The following KCNC3 variants were observed in gnomAD, a reference collection of about 807,000 sequenced individuals.
KCNC3 encodes potassium voltage-gated channel subfamily C member 3.
In KCNC3, 22 loss-of-function variants were observed where a neutral mutation model predicts 43.9. That is an observed-to-expected ratio of 0.50 (90% confidence interval 0.36 to 0.72). The LOEUF is 0.72. Among genes scored for constraint, KCNC3 ranks in the 30% least tolerant of loss-of-function variants. The pLI is 0.00. For missense variants in KCNC3, 829 were observed against 1,073.8 expected (o/e 0.77, Z 3.19); for synonymous variants, 492 against 488.0 (o/e 1.01, Z -0.11).
At chr19:50,320,910 G>A in intron 2 of KCNC3, 126 bp from the exon 3 acceptor site, 2 of 876,342 alleles carry the variant, frequency 2.3e-6, no homozygotes, top group Admixed American at 2.1e-5. Context: ...CACTGGAAGT[G>A]GAGATTCAAG....
chr19:50,319,162 T>C (rs1392831775), intron 4 of KCNC3, among the ~76,000 whole-genome samples: 1 of 152,116 alleles, frequency 6.6e-6, no homozygotes, highest in African/African-American at 2.4e-5. Flanking sequence ...GAATGATTCG[T>C]CTACTAAATA....
chr19:50,330,731 T>TA (rs975639899), upstream of KCNC3, among the ~76,000 whole-genome samples: 1 of 150,798 alleles, frequency 6.6e-6, no homozygotes, highest in East Asian at 2.0e-4. Context: ...GCAGGACCGA[T>TA]AAAAAATGGG....
intron 1 of KCNC3, among the ~76,000 whole-genome samples, chr19:50,325,363 G>A (rs1389032460): frequency 6.6e-6 from 1 of 152,160 alleles, no homozygotes; most frequent in East Asian, 1.9e-4. Context: ...CACAGAGCAC[G>A]GGGAGGCCAC....
intron 4 of KCNC3, among the ~76,000 whole-genome samples, chr19:50,319,706 G>C (rs73062508): frequency 2.6e-5 from 4 of 152,052 alleles, no homozygotes; most frequent in Non-Finnish European, 5.9e-5. Context: ...TTCTAGGTCC[G>C]TGTCTGCCTC....
intron 2 of KCNC3, among the ~76,000 whole-genome samples, chr19:50,322,281 C>G (rs949784414): frequency 6.6e-6 from 1 of 152,140 alleles, no homozygotes; most frequent in African/African-American, 2.4e-5. Context: ...TCTCGCTTGT[C>G]TCTTCCTCTG....
At chr19:50,333,493 A>G (rs2037210655), upstream of KCNC3, 3 of 199,732 alleles carry the variant, frequency 1.5e-5, no homozygotes, top group Admixed American at 1.6e-4. Flanking sequence ...CCCGACTGCC[A>G]CCTGTGGCTG....
In KCNC3 at chr19:50,320,285, G is replaced by A. The variant is rs755400651; in HGVS notation, c.2235C>T (p.Pro745=). 2.6e-5 allele frequency: 27 copies of A among 1,051,550 alleles called. 1 individual carries two copies. Among genetic ancestry groups the A allele is most frequent in the Middle Eastern group, 2.9e-4 (1 of 3,476 alleles). The allele number at this position is 1,051,550 out of a possible 1,614,324, so 65.1% of individuals were successfully genotyped here. ...WRKPGPPSFL[P]DLNANAAAWI... The stretch of plus-strand genomic sequence containing the variant: ...AGGCCGCGGCGTTGGCGTTGAGGTC[G>A]GGCAAGAAGCTTGGGGGGCCTGGCT... Residue 745 remains proline, a synonymous_variant, in exon 4 of 5, where the codon CCC becomes CCT. Coordinates refer to ENST00000477616, the MANE Select transcript of KCNC3 (RefSeq NM_004977.3).
Position 50,323,224 on chromosome 19 carries a change from G to A in KCNC3, c.1729C>T (p.Pro577Ser), listed in dbSNP as rs749785567. Residue 577 changes from proline to serine, a missense_variant, in exon 2 of 5, where the codon CCT becomes TCT. Pro to Ser is a moderately conservative substitution (Grantham distance 74). Coordinates refer to ENST00000477616, the MANE Select transcript of KCNC3 (RefSeq NM_004977.3). ...PQPGSPNYCK[P>S]DPPPPPPPHP... ...GGCGGGGGTGGCGGGGGTGGGTCAGGCTTGCAGTAGTTGGGCGAGCCCGGT... is the reference window on the plus strand; with the variant it reads ...GGCGGGGGTGGCGGGGGTGGGTCAGACTTGCAGTAGTTGGGCGAGCCCGGT... 6.4e-7 allele frequency: 1 copy of A among 1,560,270 alleles called. No individual in the cohort carries two copies. Among genetic ancestry groups the A allele is most frequent in the African/African-American group, 1.3e-5 (1 of 74,110 alleles).
At chr19:50,326,926 G>C (rs1473197924) in intron 1 of KCNC3, among the ~76,000 whole-genome samples, 1 of 151,486 alleles carries the variant, frequency 6.6e-6, no homozygotes, top group African/African-American at 2.4e-5. Context: ...GCACGGCGGG[G>C]GGGGAGGTTC....
chr19:50,330,827 C>T (rs937840253), upstream of KCNC3, among the ~76,000 whole-genome samples: 1 of 151,984 alleles, frequency 6.6e-6, no homozygotes, highest in Non-Finnish European at 1.5e-5. Flanking sequence ...TCGGAGCGGG[C>T]CGTCCCCGCC....
At chr19:50,332,185 G>A (rs981971506), upstream of KCNC3, among the ~76,000 whole-genome samples, 2 of 152,170 alleles carry the variant, frequency 1.3e-5, no homozygotes, top group Non-Finnish European at 2.9e-5. This position sits in a 1 kb window ranked among gnomAD's most constrained non-coding sequence, Gnocchi z 5.8. Context: ...ATTGGGGGTG[G>A]GGTGGTGGAG....
rs1415438196 is a variant in KCNC3, at chr19:50,323,645, C to T, written c.1308G>A (p.Val436=). The T allele has an allele frequency of 1.9e-6, 3 of 1,614,188 alleles. No individual in the cohort carries two copies. The South Asian group carries it at 3.3e-5, about 18-fold the overall frequency. Residue 436 remains valine, a synonymous_variant, in exon 2 of 5, where the codon GTG becomes GTA. Coordinates refer to ENST00000477616, the MANE Select transcript of KCNC3 (RefSeq NM_004977.3). ...TGCTGGCGCGGAGCGTGTGTCCCAG[C>T]ACGCGCAGCCCCACGAAGTGCCGGG... ...KLTRHFVGLR[V]LGHTLRASTN... is the part of the protein sequence containing the mutation.
chr19:50,312,128 G>A lies in KCNC3; in HGVS notation c.*3987C>T, dbSNP rs1356319774. On this transcript the variant is annotated 3_prime_UTR_variant, in exon 5 of 5. Transcript: ENST00000477616. ...CCGACCCCTCCCTCCCTGCCCTGCG[G>A]GTGGGCTGAGAAGACCCGCCATTAG... 6.6e-6 allele frequency: 1 copy of A among 151,820 alleles called. No individual in the cohort carries two copies. The highest frequency in any genetic ancestry group is 1.5e-5 in the Non-Finnish European group (1 of 67,830). The allele number at this position is 151,820 out of a possible 1,614,324, so 9.4% of individuals were successfully genotyped here.
chr19:50,320,840 C>T, intron 2 of KCNC3, 56 bp from the exon 3 acceptor site: 1 of 1,555,408 alleles, frequency 6.4e-7, no homozygotes, highest in Non-Finnish European at 8.8e-7. Flanking sequence ...GTGCGGTGAA[C>T]ACGCGGTGGG....
At chr19:50,317,219 A>T (rs1018258621) in intron 4 of KCNC3, among the ~76,000 whole-genome samples, 5 of 140,486 alleles carry the variant, frequency 3.6e-5, no homozygotes, top group African/African-American at 1.2e-4. Flanking sequence ...GAGGTTACAA[A>T]AAGGAGAGGT....
intron 2 of KCNC3, among the ~76,000 whole-genome samples, chr19:50,321,508 G>A (rs1011247301): frequency 5.9e-5 from 9 of 152,072 alleles, no homozygotes; most frequent in Admixed American, 3.3e-4. Context: ...GGTGGCTTAC[G>A]CCTGTAATCC....
rs954866484 is a variant in KCNC3 at position 50,313,993 on chromosome 19, T to C, written c.*2122A>G. 6.6e-6 allele frequency: 1 copy of C among 152,048 alleles called. No homozygotes were observed. The highest frequency in any genetic ancestry group is 2.4e-5 in the African/African-American group (1 of 41,320). 9.4% of individuals were successfully genotyped at this position (152,048 alleles called of 1,614,324 possible). A position where few individuals can be genotyped will look rare whatever the true frequency, so the allele number is the denominator to read the frequency against. The stretch of plus-strand genomic sequence containing the variant: ...CTCAGAATTCTGGGTGCAGGTCTCA[T>C]GTCCTGGGAATGGAGGGAGATAGTC... On this transcript the variant is annotated 3_prime_UTR_variant, in exon 5 of 5. Coordinates refer to ENST00000477616, the MANE Select transcript of KCNC3 (RefSeq NM_004977.3).
chr19:50,327,852 G>A (rs965080427), intron 1 of KCNC3, among the ~76,000 whole-genome samples: 6 of 151,840 alleles, frequency 4.0e-5, no homozygotes, highest in African/African-American at 7.3e-5. Flanking sequence ...CATGAGGGTT[G>A]GGGAGGGTCT....
chr19:50,328,657 T>C lies in KCNC3; in HGVS notation c.426A>G (p.Gly142=). Residue 142 remains glycine (G), a synonymous_variant, in exon 1 of 5, where the codon GGA becomes GGG. Coordinates refer to ENST00000477616, the MANE Select transcript of KCNC3 (RefSeq NM_004977.3). ...AGTAGTTGAGCACGTACGCGAAGAC[T>C]CCCGGGTGCCGGTCAAAGAAGAACT... ...ADEFFFDRHP[G]VFAYVLNYYR... is the part of the protein sequence containing the mutation. 6.2e-7 allele frequency: 1 copy of C among 1,611,132 alleles called. No individual in the cohort carries two copies. The highest frequency in any genetic ancestry group is 8.5e-7 in the Non-Finnish European group (1 of 1,179,274).
Sources: gnomAD v4.1 joint callset for allele counts (sites outside exome capture counted in the v4.1 genomes callset) on GRCh38, gnomAD v4.1.1 for gene constraint, Gnocchi (gnomAD v3.1) non-coding constraint, MANE v1.5 for transcripts, NCBI Gene and HGNC (gene_info 2026-07-23, HGNC 2026-07-21) for gene names.